The following ZNF710 variants were observed in gnomAD, a reference collection of about 807,000 sequenced individuals.
The protein encoded by ZNF710 is zinc finger protein 710.
Under a neutral mutation model 50.6 loss-of-function variants are expected in ZNF710, and 13 were observed. The observed-to-expected ratio is 0.26, with a 90% CI of 0.17 to 0.41. ZNF710 has a LOEUF of 0.41. Among genes scored for constraint, ZNF710 ranks in the 10% least tolerant of loss-of-function variants. The pLI is 1.00. For synonymous variants in ZNF710, 383 were observed against 397.0 expected, an observed-to-expected ratio of 0.96 and a Z score of 0.42; for missense variants, 721 against 936.6, an observed-to-expected ratio of 0.77 and a Z score of 3.01.
chr15:90,062,665 G>C lies in ZNF710; in HGVS notation c.-28-4445G>C, dbSNP rs755049711. On this transcript the variant is annotated intron_variant, in intron 1 of 4. Transcript: ENST00000268154. This position sits in a 1 kb window ranked among gnomAD's most constrained non-coding sequence, Gnocchi z 5.6. ...AGGGTTTAGCCTGGGAGATGGAACAGAGCGGGTGAGGAGACACGAGGCACA... is the reference window on the plus strand; with the variant it reads ...AGGGTTTAGCCTGGGAGATGGAACACAGCGGGTGAGGAGACACGAGGCACA... Among the ~76,000 whole-genome samples, 5 of 152,228 alleles carry C rather than the reference G, an allele frequency of 3.3e-5. No individual in the cohort carries two copies. Among genetic ancestry groups the C allele is most frequent in the African/African-American group, 7.2e-5 (3 of 41,462 alleles).
chr15:90,020,005 G>A (rs1380376455), intron 1 of ZNF710, among the ~76,000 whole-genome samples: 1 of 152,190 alleles, frequency 6.6e-6, no homozygotes, highest in Non-Finnish European at 1.5e-5. Context: ...TCAGACTCTA[G>A]CCCAGGAGTC....
intron 1 of ZNF710, among the ~76,000 whole-genome samples, chr15:90,014,752 TCCATCATA>T (rs1898404920): frequency 1.3e-5 from 2 of 152,110 alleles, no homozygotes; most frequent in South Asian, 4.1e-4. Flanking sequence ...CTTGGCAGAA[TCCATCATA>T]AAATCAAAGG....
At position 90,034,221 on chromosome 15, in the gene ZNF710, A is replaced by AGAAAT. The variant is rs761741700; in HGVS notation, c.-29+32611_-29+32612insTGAAA. On this transcript the variant is annotated intron_variant, in intron 1 of 4. Coordinates refer to ENST00000268154, the MANE Select transcript of ZNF710 (RefSeq NM_198526.4). The surrounding 1 kb of genome is among the most constrained non-coding windows in gnomAD (Gnocchi z 4.0). Reference sequence around the variant, plus strand: ...TCAAAAAAAAAGAAAAGAAAAGAAAAGAAAAGAAAACAGGTGAACGACAGT... The same window carrying AGAAAT: ...TCAAAAAAAAAGAAAAGAAAAGAAAAGAAATGAAAAGAAAACAGGTGAACGACAGT... Among the ~76,000 whole-genome samples the AGAAAT allele has an allele frequency of 2.0e-5, 3 of 151,974 alleles. No homozygotes were observed. The highest frequency in any genetic ancestry group is 7.3e-5 in the African/African-American group (3 of 41,348).
At chr15:90,036,696 A>G (rs28652724) in intron 1 of ZNF710, among the ~76,000 whole-genome samples, 1 of 152,156 alleles carries the variant, frequency 6.6e-6, no homozygotes, top group South Asian at 2.1e-4. Flanking sequence ...GGAAAGGGTT[A>G]AATAGATAAG....
intron 1 of ZNF710, among the ~76,000 whole-genome samples, chr15:90,013,715 G>A (rs894108162): frequency 1.3e-5 from 2 of 152,048 alleles, no homozygotes; most frequent in African/African-American, 4.8e-5. Flanking sequence ...GCTCTCCTTT[G>A]TCCCATTGTC....
intron 1 of ZNF710, among the ~76,000 whole-genome samples, chr15:90,048,161 G>T (rs553282993): frequency 2.0e-5 from 3 of 152,346 alleles, no homozygotes; most frequent in Admixed American, 2.0e-4. Flanking sequence ...CCACACAGGT[G>T]CTGCCCATTC....
At chr15:90,066,249 G>A (rs182817922) in intron 1 of ZNF710, among the ~76,000 whole-genome samples, 375 of 152,106 alleles carry the variant, frequency 2.5e-3, no homozygotes, top group Middle Eastern at 3.4e-3. Context: ...TCTGCCATAC[G>A]TTCTCGTTCA....
chr15:90,067,984 T>G lies in ZNF710; in HGVS notation c.847T>G (p.Ser283Ala). ...RLDINVQIDD[S>A]YLVEAGDRQK... ...GGACATCAACGTGCAGATTGACGAC[T>G]CCTATCTGGTGGAGGCGGGCGACCG... The change falls in exon 2 of 5, where the codon TCC becomes GCC. Residue 283 changes from serine (S) to alanine (A), a missense_variant. Ser to Ala is a moderately conservative substitution (Grantham distance 99, BLOSUM62 1). Transcript: ENST00000268154. The surrounding 1 kb of genome is among the most constrained non-coding windows in gnomAD (Gnocchi z 8.1). 1 of 1,614,186 alleles carries G rather than the reference T, an allele frequency of 6.2e-7. No individual in the cohort carries two copies. Among genetic ancestry groups the G allele is most frequent in the Non-Finnish European group, 8.5e-7 (1 of 1,180,038 alleles).
chr15:90,017,277 G>A (rs545159726), intron 1 of ZNF710, among the ~76,000 whole-genome samples: 1 of 152,312 alleles, frequency 6.6e-6, no homozygotes, highest in South Asian at 2.1e-4. Context: ...AGAACCACCT[G>A]TGCTGTTTTT....
At chr15:90,065,975 A>G (rs1348327985) in intron 1 of ZNF710, among the ~76,000 whole-genome samples, 2 of 152,216 alleles carry the variant, frequency 1.3e-5, no homozygotes, top group Admixed American at 6.5e-5. Flanking sequence ...TGAGCATTCA[A>G]TTCGGATAGT....
chr15:90,039,903 C>T (rs546184450), intron 1 of ZNF710, among the ~76,000 whole-genome samples: 2 of 152,348 alleles, frequency 1.3e-5, no homozygotes, highest in African/African-American at 4.8e-5. Flanking sequence ...CTCTTCGAGT[C>T]ACCCACATCT....
rs1190174999 is a variant in ZNF710, at chr15:90,034,228, A to AAAAGC, written c.-29+32617_-29+32618insGCAAA. On this transcript the variant is annotated intron_variant, in intron 1 of 4. Transcript: ENST00000268154. This position sits in a 1 kb window ranked among gnomAD's most constrained non-coding sequence, Gnocchi z 4.0. ...AAAAGAAAAGAAAAGAAAAGAAAAG[A>AAAAGC]AAACAGGTGAACGACAGTCACTCCT... Among the ~76,000 whole-genome samples, 6 of 151,894 alleles carry AAAAGC rather than the reference A, an allele frequency of 4.0e-5. No homozygotes were observed. The highest frequency in any genetic ancestry group is 1.4e-4 in the African/African-American group (6 of 41,392).
At chr15:90,018,610 G>A (rs967839503) in intron 1 of ZNF710, among the ~76,000 whole-genome samples, 2 of 152,136 alleles carry the variant, frequency 1.3e-5, no homozygotes, top group African/African-American at 2.4e-5. Flanking sequence ...CGTAAACCAG[G>A]ACAGAGGTCA....
At chr15:90,044,841 C>T (rs1180450127) in intron 1 of ZNF710, among the ~76,000 whole-genome samples, 1 of 152,188 alleles carries the variant, frequency 6.6e-6, no homozygotes, top group African/African-American at 2.4e-5. Context: ...GCAAGGCCAG[C>T]ACTTTCTACA....
chr15:90,058,050 C>T (rs1389548580), intron 1 of ZNF710, among the ~76,000 whole-genome samples: 1 of 152,184 alleles, frequency 6.6e-6, no homozygotes, highest in Non-Finnish European at 1.5e-5. Flanking sequence ...CAGCCCTCAG[C>T]TTATAGAAGC....
chr15:90,063,058 C>A (rs1444479720), intron 1 of ZNF710, among the ~76,000 whole-genome samples: 9 of 152,098 alleles, frequency 5.9e-5, no homozygotes, highest in African/African-American at 2.2e-4. Context: ...ACCCCAGTTC[C>A]CCCAGCCGGC....
At chr15:90,078,812 AAC>A (rs969542317) in intron 4 of ZNF710, among the ~76,000 whole-genome samples, 1 of 152,148 alleles carries the variant, frequency 6.6e-6, no homozygotes, top group African/African-American at 2.4e-5. Flanking sequence ...TTTCCCCCAA[AAC>A]ACGCACATCT....
intron 1 of ZNF710, among the ~76,000 whole-genome samples, chr15:90,001,966 TGA>T (rs745830369): frequency 0.054 from 5,158 of 96,306 alleles, 314 homozygotes; most frequent in African/African-American, 0.17. Context: ...AGCGCGCGAA[TGA>T]GAGAGAGAGA....
chr15:90,014,131 G>T (rs148731650), intron 1 of ZNF710, among the ~76,000 whole-genome samples: 2 of 151,910 alleles, frequency 1.3e-5, no homozygotes, highest in African/African-American at 4.8e-5. Flanking sequence ...GACAAAGCCA[G>T]TTTACCTCTT....
Sources: gnomAD v4.1 joint callset for allele counts (sites outside exome capture counted in the v4.1 genomes callset) on GRCh38, gnomAD v4.1.1 for gene constraint, Gnocchi (gnomAD v3.1) non-coding constraint, MANE v1.5 for transcripts, NCBI Gene and HGNC (gene_info 2026-07-23, HGNC 2026-07-21) for gene names.